WDR7: variants seen among roughly 807,000 people sequenced by gnomAD.
The protein encoded by WDR7 is WD repeat domain 7, also known as WD repeat-containing protein 7.
WDR7 carries 46 observed loss-of-function variants against 169.4 expected under a neutral mutation model. The ratio of observed to expected loss-of-function variants is 0.27; its 90% CI spans 0.21 to 0.35. WDR7 has a LOEUF of 0.35. WDR7 is among the 10% of genes least tolerant of loss of function. WDR7 has a pLI of 1.00. For missense variants in WDR7, 1,534 were observed against 1,859.3 expected, an observed-to-expected ratio of 0.83 and a Z score of 3.22; for synonymous variants, 612 against 666.8, an observed-to-expected ratio of 0.92 and a Z score of 1.27.
intron 20 of WDR7, among the ~76,000 whole-genome samples, chr18:56,868,200 A>G (rs2045908158): frequency 6.6e-6 from 1 of 152,170 alleles, no homozygotes; most frequent in Non-Finnish European, 1.5e-5. Flanking sequence ...TAGAGGTTCT[A>G]ATTTACTCCA....
At chr18:56,694,261 A>T (rs576655501) in intron 9 of WDR7, among the ~76,000 whole-genome samples, 1 of 152,296 alleles carries the variant, frequency 6.6e-6, no homozygotes, top group South Asian at 2.1e-4. Flanking sequence ...TTTCTTTTTG[A>T]TAAAGCTTAG....
At chr18:56,844,646 C>A (rs1389366496) in intron 20 of WDR7, among the ~76,000 whole-genome samples, 2 of 152,280 alleles carry the variant, frequency 1.3e-5, no homozygotes, top group African/African-American at 4.8e-5. Flanking sequence ...CATAGAGAAA[C>A]CTTACATTCA....
intron 21 of WDR7, 42 bp from the exon 22 acceptor site, chr18:56,923,880 T>C (rs200563104): frequency 6.8e-7 from 1 of 1,462,808 alleles, no homozygotes; most frequent in East Asian, 2.6e-5. Flanking sequence ...ATTACAAAAG[T>C]AAAATTCCCC....
chr18:56,856,572 A>T (rs1404747831), intron 20 of WDR7, among the ~76,000 whole-genome samples: 1 of 151,748 alleles, frequency 6.6e-6, no homozygotes, highest in African/African-American at 2.4e-5. Context: ...GAAAACTATA[A>T]TTTTTAAAAT....
chr18:56,905,646 A>T (rs142197479), intron 21 of WDR7, among the ~76,000 whole-genome samples: 2,115 of 150,462 alleles, frequency 0.014, 31 homozygotes, highest in East Asian at 0.037. Flanking sequence ...TATATATCAT[A>T]TGAAATTATA....
chr18:56,983,125 G>A (rs2047669020), intron 26 of WDR7, among the ~76,000 whole-genome samples: 1 of 152,216 alleles, frequency 6.6e-6, no homozygotes, highest in East Asian at 1.9e-4. Context: ...GACAACAAGG[G>A]GTCCCAGAGG....
intron 21 of WDR7, among the ~76,000 whole-genome samples, chr18:56,914,074 G>A (rs1019978528): frequency 1.3e-5 from 2 of 152,108 alleles, no homozygotes; most frequent in Admixed American, 6.5e-5. Context: ...GATCCATCCC[G>A]CAGCTACCTC....
intron 26 of WDR7, among the ~76,000 whole-genome samples, chr18:56,983,985 C>T (rs144312121): frequency 2.0e-5 from 3 of 151,832 alleles, no homozygotes; most frequent in African/African-American, 7.3e-5. Flanking sequence ...CTTCCTATGA[C>T]ATATTTGAGG....
At chr18:56,972,120 C>A (rs1029764683) in intron 26 of WDR7, among the ~76,000 whole-genome samples, 1 of 152,058 alleles carries the variant, frequency 6.6e-6, no homozygotes, top group Non-Finnish European at 1.5e-5. Flanking sequence ...TGAAAATGAG[C>A]CAATGTAATC....
chr18:57,005,299 G>A (rs1462886847), intron 26 of WDR7, among the ~76,000 whole-genome samples: 2 of 151,890 alleles, frequency 1.3e-5, no homozygotes, highest in African/African-American at 2.4e-5. Context: ...AAAAAAAGCA[G>A]AAGCACAGTT....
chr18:56,972,858 G>GT (rs1429761123), intron 26 of WDR7, among the ~76,000 whole-genome samples: 4 of 151,534 alleles, frequency 2.6e-5, no homozygotes, highest in Non-Finnish European at 5.9e-5. Flanking sequence ...GTTTTGTTTT[G>GT]TTTTTTGTGT....
rs2044327018 is a variant in WDR7, at chr18:56,782,186, T to A, written c.3190+530T>A. On this transcript the variant is annotated intron_variant, in intron 19 of 27. Coordinates refer to ENST00000254442, the MANE Select transcript of WDR7 (RefSeq NM_015285.3). ...GAAAGGATTAGAAAAATTGTTGAAA[T>A]TTTTTGAATATTCTTTTGCAAAATA... 5 of 152,218 alleles carry A rather than the reference T, an allele frequency of 3.3e-5. No homozygotes were observed. The South Asian group carries it at 6.2e-4, about 19-fold the overall frequency. 9.4% of individuals were successfully genotyped at this position (152,218 alleles called of 1,614,324 possible). A position where few individuals can be genotyped will look rare whatever the true frequency, so the allele number is the denominator to read the frequency against.
At position 56,678,318 on chromosome 18, in the gene WDR7, G is replaced by A. The variant is rs1046727961; in HGVS notation, c.160-1014G>A. ...TGGTGAGGTTGTGTTTTCCTGGATG[G>A]TCTTGATACTTGTAGATGTTTGTCT... is the stretch of plus-strand genomic sequence containing the variant. On this transcript the variant is annotated intron_variant, in intron 2 of 27. Transcript: ENST00000254442. Among the ~76,000 whole-genome samples the A allele has an allele frequency of 2.6e-5, 4 of 152,108 alleles. No individual in the cohort carries two copies. In the East Asian group the frequency reaches 7.7e-4, roughly 29 times the overall value.
intron 26 of WDR7, 93 bp from the exon 27 acceptor site, chr18:57,020,652 A>C: frequency 8.9e-7 from 1 of 1,121,038 alleles, no homozygotes; most frequent in Non-Finnish European, 1.3e-6. Flanking sequence ...AATACCCATG[A>C]CGTAACTTGT....
chr18:57,032,798 A>ATTTTAT (rs1434101610), downstream of WDR7: 146 of 88,870 alleles, frequency 1.6e-3, no homozygotes, highest in African/African-American at 5.3e-3. Flanking sequence ...TTGTATAATT[A>ATTTTAT]TTTTATATAT....
At chr18:56,753,859 C>T (rs1159603426) in intron 14 of WDR7, among the ~76,000 whole-genome samples, 1 of 151,818 alleles carries the variant, frequency 6.6e-6, no homozygotes, top group Non-Finnish European at 1.5e-5. Flanking sequence ...TGTAATGGAC[C>T]TTGAAGATTG....
chr18:56,983,114 G>A (rs2047668787), intron 26 of WDR7, among the ~76,000 whole-genome samples: 1 of 152,162 alleles, frequency 6.6e-6, no homozygotes, highest in Non-Finnish European at 1.5e-5. Context: ...AGGTGTGAAG[G>A]GACAACAAGG....
chr18:56,686,428 T>A (rs2025445733), intron 6 of WDR7, among the ~76,000 whole-genome samples: 1 of 152,182 alleles, frequency 6.6e-6, no homozygotes. Context: ...TTGAATTCCT[T>A]GTTCTTTTTT....
At chr18:56,665,876 C>T (rs948158077) in intron 1 of WDR7, among the ~76,000 whole-genome samples, 2 of 152,060 alleles carry the variant, frequency 1.3e-5, no homozygotes, top group Middle Eastern at 3.2e-3. Context: ...AAAGTTGAGT[C>T]GTGATGAGTC....
Sources: allele counts gnomAD v4.1 joint callset (sites outside exome capture counted in the v4.1 genomes callset), GRCh38; gene constraint gnomAD v4.1.1; transcripts MANE v1.5; gene names NCBI Gene and HGNC (gene_info 2026-07-23, HGNC 2026-07-21).